The following GUCY1A1 variants were observed in gnomAD, a reference collection of about 807,000 sequenced individuals.
GUCY1A1 encodes guanylate cyclase soluble subunit alpha-1.
GUCY1A1 carries 48 observed loss-of-function variants against 64.5 expected under a neutral mutation model. That is an observed-to-expected ratio of 0.74 (90% CI 0.59 to 0.95). The LOEUF is 0.95. Among genes scored for constraint, GUCY1A1 ranks in the 40% least tolerant of loss-of-function variants. The pLI, the probability that GUCY1A1 is intolerant of heterozygous loss-of-function variation, is 0.00. For missense variants in GUCY1A1, 804 were observed against 825.3 expected, an observed-to-expected ratio of 0.97 and a Z score of 0.32; for synonymous variants, 308 against 303.4, an observed-to-expected ratio of 1.02 and a Z score of -0.16.
At position 155,696,855 on chromosome 4, in the gene GUCY1A1, A is replaced by G; in HGVS notation, c.-13A>G. 6.2e-7 allele frequency: 1 copy of G among 1,612,770 alleles called. No homozygotes were observed. The highest frequency in any genetic ancestry group is 8.5e-7 in the Non-Finnish European group (1 of 1,178,936). Reference sequence around the variant, plus strand: ...CAGGAGGAGATCGCAGCAGGGTAAGAGACACCAACACCATGTTCTGCACGA... The same window carrying G: ...CAGGAGGAGATCGCAGCAGGGTAAGGGACACCAACACCATGTTCTGCACGA... On this transcript the variant is annotated 5_prime_UTR_variant, in exon 3 of 10. Coordinates refer to ENST00000506455, the MANE Select transcript of GUCY1A1 (RefSeq NM_001130682.3).
In GUCY1A1 at chr4:155,731,062, C is replaced by T. The variant is rs1283622279; in HGVS notation, c.*831C>T. 5 of 153,070 alleles carry T rather than the reference C, an allele frequency of 3.3e-5. No individual in the cohort carries two copies. Among genetic ancestry groups the T allele is most frequent in the African/African-American group, 9.7e-5 (4 of 41,362 alleles). 9.5% of individuals were successfully genotyped at this position (153,070 alleles called of 1,614,324 possible). A position where few individuals can be genotyped will look rare whatever the true frequency, so the allele number is the denominator to read the frequency against. ...TATCTTCTATTAAAATGCAGTAATA[C>T]TATTCAAATCTAATTTAGCTGGAAG... is the stretch of plus-strand genomic sequence containing the variant. On this transcript the variant is annotated 3_prime_UTR_variant, in exon 10 of 10. Coordinates refer to ENST00000506455, the MANE Select transcript of GUCY1A1 (RefSeq NM_001130682.3).
chr4:155,670,821 G>A (rs1041860625), intron 2 of GUCY1A1, among the ~76,000 whole-genome samples: 2 of 152,102 alleles, frequency 1.3e-5, no homozygotes, highest in African/African-American at 4.8e-5. Flanking sequence ...CACATACCAA[G>A]TCATCTATCT....
intron 2 of GUCY1A1, among the ~76,000 whole-genome samples, chr4:155,695,346 A>AC (rs1730275420): frequency 6.6e-6 from 1 of 151,268 alleles, no homozygotes; most frequent in African/African-American, 2.5e-5. Flanking sequence ...AGCATAGAAA[A>AC]TAAAAAAAAA....
In GUCY1A1 at chr4:155,710,530, A is replaced by G. The variant is rs762666634; in HGVS notation, c.377-12A>G. The G allele has an allele frequency of 1.4e-6, 2 of 1,430,838 alleles. No homozygotes were observed. Among genetic ancestry groups the G allele is most frequent in the Non-Finnish European group, 1.9e-6 (2 of 1,026,176 alleles). The allele number at this position is 1,430,838 out of a possible 1,614,324, so 88.6% of individuals were successfully genotyped here. A position where few individuals can be genotyped will look rare whatever the true frequency, so the allele number is the denominator to read the frequency against. ...TATTTGATATGGCAGAACATGTATT[A>G]TGTGATTTCAGGAGTTCCAGTGGAG... On this transcript the variant is annotated splice_polypyrimidine_tract_variant and intron_variant, in intron 5 of 9. Coordinates refer to ENST00000506455, the MANE Select transcript of GUCY1A1 (RefSeq NM_001130682.3).
Position 155,698,356 on chromosome 4 carries a change from T to C in GUCY1A1, c.255+1234T>C, listed in dbSNP as rs1730677550. Among the ~76,000 whole-genome samples, 3 of 152,190 alleles carry C rather than the reference T, an allele frequency of 2.0e-5. No individual in the cohort carries two copies. The South Asian group carries it at 6.2e-4, about 31-fold the overall frequency. On this transcript the variant is annotated intron_variant, in intron 3 of 9. Coordinates refer to ENST00000506455, the MANE Select transcript of GUCY1A1 (RefSeq NM_001130682.3). ...ATGTTTAATTATTCTTACCACACTC[T>C]AGTTGCTAGACAGCCAGCATTGGCT...
chr4:155,719,043 A>G (rs1390085591), intron 8 of GUCY1A1, among the ~76,000 whole-genome samples: 2 of 152,140 alleles, frequency 1.3e-5, no homozygotes, highest in Non-Finnish European at 2.9e-5. Context: ...TATTAACAAC[A>G]TTTTAAGTGA....
chr4:155,702,112 G>A (rs576781848), intron 3 of GUCY1A1, among the ~76,000 whole-genome samples: 207 of 152,164 alleles, frequency 1.4e-3, no homozygotes, highest in African/African-American at 4.8e-3. Flanking sequence ...AAGCAAAACC[G>A]ACACTCTCTG....
Position 155,734,454 on chromosome 4 carries a change from C to G in GUCY1A1, c.*4223C>G, listed in dbSNP as rs958358068. The G allele has an allele frequency of 6.6e-6, 1 of 151,934 alleles. No individual in the cohort carries two copies. The highest frequency in any genetic ancestry group is 2.4e-5 in the African/African-American group (1 of 41,408). 9.4% of individuals were successfully genotyped at this position (151,934 alleles called of 1,614,324 possible). On this transcript the variant is annotated 3_prime_UTR_variant, in exon 10 of 10. Coordinates refer to ENST00000506455, the MANE Select transcript of GUCY1A1 (RefSeq NM_001130682.3). ...ATCATTTTAATAAGTAAAATTGAATCTTTGATACATATTTGTTGAGGAGCT... is the reference window on the plus strand; with the variant it reads ...ATCATTTTAATAAGTAAAATTGAATGTTTGATACATATTTGTTGAGGAGCT...
intron 8 of GUCY1A1, among the ~76,000 whole-genome samples, chr4:155,718,015 A>G (rs1733489561): frequency 1.3e-5 from 2 of 152,304 alleles, no homozygotes; most frequent in Admixed American, 1.3e-4. Flanking sequence ...AATATTTTCC[A>G]AGGCACGTGA....
At chr4:155,703,703 A>G (rs571892433) in intron 3 of GUCY1A1, among the ~76,000 whole-genome samples, 7 of 152,324 alleles carry the variant, frequency 4.6e-5, no homozygotes, top group African/African-American at 1.7e-4. Context: ...GCCACAACAC[A>G]TATCCAATCT....
chr4:155,723,073 C>G (rs995111606), intron 9 of GUCY1A1, among the ~76,000 whole-genome samples: 9 of 152,134 alleles, frequency 5.9e-5, no homozygotes, highest in Non-Finnish European at 1.2e-4. Context: ...GGGGCCCTGC[C>G]CCCATTCTGA....
intron 2 of GUCY1A1, among the ~76,000 whole-genome samples, chr4:155,671,056 A>G (rs1399092548): frequency 6.6e-6 from 1 of 152,110 alleles, no homozygotes; most frequent in Non-Finnish European, 1.5e-5. Context: ...ACGGTATCCA[A>G]TGTTGGATCC....
At chr4:155,703,448 C>T (rs138056856) in intron 3 of GUCY1A1, among the ~76,000 whole-genome samples, 43 of 152,268 alleles carry the variant, frequency 2.8e-4, no homozygotes, top group African/African-American at 9.1e-4. Flanking sequence ...GGCAGAGAGT[C>T]ACTGGGGCAG....
chr4:155,708,098 A>C, intron 4 of GUCY1A1, 138 bp from the exon 5 acceptor site: 1 of 490,126 alleles, frequency 2.0e-6, no homozygotes. Context: ...CGGCCTCCCA[A>C]AGTGCTGGGA....
intron 2 of GUCY1A1, among the ~76,000 whole-genome samples, chr4:155,680,780 C>T (rs1170504189): frequency 3.9e-5 from 6 of 152,106 alleles, no homozygotes; most frequent in African/African-American, 1.4e-4. Flanking sequence ...TCTTCACCCT[C>T]GTTGTCTTCA....
rs60103633 is a variant in GUCY1A1 at position 155,682,699 on chromosome 4, AGTGTGTGTGTGTGTGT to A, written c.-112-14042_-112-14027del. 4.1e-5 allele frequency among the ~76,000 whole-genome samples: 6 copies of A among 146,880 alleles called. No individual in the cohort carries two copies. In the East Asian group the frequency reaches 1.0e-3, roughly 25 times the overall value. On this transcript the variant is annotated intron_variant, in intron 2 of 9. Coordinates refer to ENST00000506455, the MANE Select transcript of GUCY1A1 (RefSeq NM_001130682.3). ...AAGAAAAAAAAAGAAAAGAAAATTC[AGTGTGTGTGTGTGTGT>A]GTGTGTGTGTGTGTATATACCCCAC...
chr4:155,726,270 AT>A (rs1433814714), intron 9 of GUCY1A1, among the ~76,000 whole-genome samples: 2 of 152,052 alleles, frequency 1.3e-5, no homozygotes, highest in Non-Finnish European at 2.9e-5. Context: ...TAAATACTTA[AT>A]GTTAAATACT....
At chr4:155,685,925 C>A (rs1728943700) in intron 2 of GUCY1A1, among the ~76,000 whole-genome samples, 1 of 152,166 alleles carries the variant, frequency 6.6e-6, no homozygotes. Flanking sequence ...CAAGGTCACT[C>A]CTTCCTTCCC....
chr4:155,697,399 C>G (rs1329448597), intron 3 of GUCY1A1, among the ~76,000 whole-genome samples: 1 of 152,284 alleles, frequency 6.6e-6, no homozygotes, highest in East Asian at 1.9e-4. Flanking sequence ...CTCTTTACCT[C>G]AGCTTCCTTA....
Sources: gnomAD v4.1 joint callset for allele counts (sites outside exome capture counted in the v4.1 genomes callset) on GRCh38, gnomAD v4.1.1 for gene constraint, MANE v1.5 for transcripts, NCBI Gene and HGNC (gene_info 2026-07-23, HGNC 2026-07-21) for gene names.